DLG2: variants seen among roughly 807,000 people sequenced by gnomAD.
The protein encoded by DLG2 is discs large MAGUK scaffold protein 2.
Under a neutral mutation model 132.5 loss-of-function variants are expected in DLG2, and 45 were observed. The ratio of observed to expected loss-of-function variants is 0.34; its 90% CI spans 0.27 to 0.44. The LOEUF is 0.44. Among genes scored for constraint, DLG2 ranks in the 20% least tolerant of loss-of-function variants. DLG2 has a pLI of 1.00. For missense variants in DLG2, 1,045 were observed against 1,196.9 expected, an observed-to-expected ratio of 0.87 and a Z score of 1.87; for synonymous variants, 424 against 419.6, an observed-to-expected ratio of 1.01 and a Z score of -0.13.
At chr11:83,633,059 T>G (rs2063846872) in intron 19 of DLG2, 152 bp downstream of exon 19, 2 of 626,754 alleles carry the variant, frequency 3.2e-6, no homozygotes, top group Non-Finnish European at 5.6e-6. Context: ...TTCAAACATT[T>G]ATTCCAAATG....
chr11:84,440,786 C>G (rs990872025), intron 7 of DLG2, among the ~76,000 whole-genome samples: 1 of 152,168 alleles, frequency 6.6e-6, no homozygotes, highest in Non-Finnish European at 1.5e-5. Flanking sequence ...AACACACACA[C>G]TATGTGAGCC....
intron 6 of DLG2, among the ~76,000 whole-genome samples, chr11:85,082,107 A>C (rs972345655): frequency 6.6e-6 from 1 of 152,160 alleles, no homozygotes; most frequent in Non-Finnish European, 1.5e-5. Context: ...TAACTCCCAG[A>C]TATACATGCC....
intron 3 of DLG2, among the ~76,000 whole-genome samples, chr11:85,378,924 A>C (rs1596671833): frequency 6.6e-6 from 1 of 152,188 alleles, no homozygotes; most frequent in African/African-American, 2.4e-5. Context: ...ATTTCTAAGT[A>C]CCACTTCAAG....
At chr11:84,963,695 A>G (rs955559057) in intron 6 of DLG2, among the ~76,000 whole-genome samples, 3 of 152,182 alleles carry the variant, frequency 2.0e-5, no homozygotes, top group African/African-American at 7.2e-5. Context: ...GTCTACACTT[A>G]ACACAATTTA....
At chr11:83,605,718 A>G (rs1018851160) in intron 19 of DLG2, among the ~76,000 whole-genome samples, 2 of 152,244 alleles carry the variant, frequency 1.3e-5, no homozygotes. Flanking sequence ...ATTATCAGCT[A>G]TGTTCTAAAG....
chr11:84,457,726 G>A (rs991553510), intron 7 of DLG2, among the ~76,000 whole-genome samples: 1 of 150,674 alleles, frequency 6.6e-6, no homozygotes, highest in Non-Finnish European at 1.5e-5. Flanking sequence ...TCTCTCTCAC[G>A]TTTTTTCAAA....
At chr11:83,944,866 T>C (rs899472832) in intron 14 of DLG2, among the ~76,000 whole-genome samples, 1 of 152,192 alleles carries the variant, frequency 6.6e-6, no homozygotes, top group Non-Finnish European at 1.5e-5. Context: ...ATACAGAATA[T>C]AGAATTTGGA....
At chr11:84,667,272 T>G (rs2099700637) in intron 6 of DLG2, among the ~76,000 whole-genome samples, 1 of 152,120 alleles carries the variant, frequency 6.6e-6, no homozygotes, top group African/African-American at 2.4e-5. Context: ...TGAAGAAAGC[T>G]AATGCATGTC....
intron 19 of DLG2, among the ~76,000 whole-genome samples, chr11:83,581,707 T>A (rs1401247539): frequency 1.3e-5 from 2 of 152,142 alleles, no homozygotes; most frequent in African/African-American, 4.8e-5. Flanking sequence ...TAACATTGAA[T>A]CTGGAGTGTG....
intron 7 of DLG2, among the ~76,000 whole-genome samples, chr11:84,456,520 CT>C (rs2099065727): frequency 6.6e-6 from 1 of 151,338 alleles, no homozygotes; most frequent in Admixed American, 6.6e-5. Context: ...GATCTCCTAA[CT>C]GGTCACTGCT....
At chr11:84,408,353 ATAT>A (rs1242816230) in intron 7 of DLG2, among the ~76,000 whole-genome samples, 2 of 150,208 alleles carry the variant, frequency 1.3e-5, no homozygotes, top group East Asian at 1.9e-4. Flanking sequence ...ATATATATAT[ATAT>A]TATTATACTT....
intron 3 of DLG2, among the ~76,000 whole-genome samples, chr11:85,321,266 T>C (rs2081049304): frequency 6.6e-6 from 1 of 151,900 alleles, no homozygotes. Context: ...TTTATTAAGA[T>C]GGAAAAGACA....
chr11:83,783,106 G>C (rs1456959485), intron 18 of DLG2, among the ~76,000 whole-genome samples: 1 of 152,156 alleles, frequency 6.6e-6, no homozygotes, highest in Admixed American at 6.5e-5. Context: ...TTCAAAGTAA[G>C]TGCATGATAA....
At chr11:84,776,930 T>C (rs1456784808) in intron 6 of DLG2, among the ~76,000 whole-genome samples, 2 of 152,072 alleles carry the variant, frequency 1.3e-5, no homozygotes, top group Non-Finnish European at 2.9e-5. Flanking sequence ...GGTAGAAGTG[T>C]AATTTTGTTA....
intron 5 of DLG2, among the ~76,000 whole-genome samples, chr11:85,146,310 A>C (rs193175634): frequency 1.9e-4 from 28 of 151,184 alleles, no homozygotes; most frequent in Admixed American, 1.7e-3. Flanking sequence ...GCACTCCCAA[A>C]GCTATCACAG....
intron 3 of DLG2, among the ~76,000 whole-genome samples, chr11:85,485,592 C>A (rs970313941): frequency 6.6e-6 from 1 of 152,104 alleles, no homozygotes; most frequent in African/African-American, 2.4e-5. Flanking sequence ...GGGGGCAGCT[C>A]TCTTGGCTGG....
intron 14 of DLG2, among the ~76,000 whole-genome samples, chr11:83,934,444 C>T (rs11233815): frequency 0.085 from 12,922 of 151,950 alleles, 852 homozygotes; most frequent in African/African-American, 0.18. Flanking sequence ...TGCTGTTTCT[C>T]GGTGTCCCCT....
rs182451309 is a variant in DLG2, at chr11:84,752,624, T to C, written c.358-217893A>G. On this transcript the variant is annotated intron_variant, in intron 6 of 27. Coordinates refer to ENST00000376104, the MANE Select transcript of DLG2 (RefSeq NM_001142699.3). ...GGGTACATGTGCACATTGTGCAGGT[T>C]AGTTACATATGTATACATGTGCCAT... Among the ~76,000 whole-genome samples, 1,479 of 149,050 alleles carry C rather than the reference T, an allele frequency of 9.9e-3. 18 individuals are homozygous for C. Among genetic ancestry groups the C allele is most frequent in the Non-Finnish European group, 0.014 (917 of 67,190 alleles).
chr11:85,351,166 T>C (rs572990276), intron 3 of DLG2, among the ~76,000 whole-genome samples: 1 of 152,318 alleles, frequency 6.6e-6, no homozygotes, highest in South Asian at 2.1e-4. Context: ...ATTCTATTTG[T>C]AGCAATTGTG....
Sources: gnomAD v4.1 joint callset for allele counts (sites outside exome capture counted in the v4.1 genomes callset) on GRCh38, gnomAD v4.1.1 for gene constraint, MANE v1.5 for transcripts, NCBI Gene and HGNC (gene_info 2026-07-23, HGNC 2026-07-21) for gene names.